Variants in COMMD1 observed in about 807,000 individuals in gnomAD.
The protein encoded by COMMD1 is COMM domain-containing protein 1.
Under a neutral mutation model 17.2 loss-of-function variants are expected in COMMD1, and 10 were observed. The observed-to-expected ratio is 0.58, with a 90% CI of 0.36 to 0.99. The LOEUF is 0.99. Ranked by LOEUF, COMMD1 falls within the 50% of genes least tolerant of loss-of-function variation. COMMD1 has a pLI of 0.01. For synonymous variants in COMMD1, 97 were observed against 91.6 expected (o/e 1.06, Z -0.34); for missense variants, 270 against 231.8 (o/e 1.17, Z -1.07).
intron 2 of COMMD1, among the ~76,000 whole-genome samples, chr2:62,037,371 C>A (rs1670068786): frequency 6.6e-6 from 1 of 152,204 alleles, no homozygotes; most frequent in Non-Finnish European, 1.5e-5. Context: ...AGCTCCTTCC[C>A]ATTCTGTCAC....
intron 2 of COMMD1, among the ~76,000 whole-genome samples, chr2:62,108,366 G>A (rs1408800109): frequency 2.0e-5 from 3 of 152,056 alleles, no homozygotes; most frequent in Non-Finnish European, 4.4e-5. Context: ...TTTATTACAT[G>A]TGCATATGGA....
intron 2 of COMMD1, among the ~76,000 whole-genome samples, chr2:62,038,935 A>T (rs1670111343): frequency 6.6e-6 from 1 of 152,204 alleles, no homozygotes; most frequent in Admixed American, 6.5e-5. Flanking sequence ...GTATACTCAT[A>T]TACACAGCAT....
At chr2:61,957,343 C>G (rs1032613443) in intron 1 of COMMD1, among the ~76,000 whole-genome samples, 1 of 152,204 alleles carries the variant, frequency 6.6e-6, no homozygotes, top group East Asian at 1.9e-4. Flanking sequence ...TGGGGTAGCA[C>G]TTCCTGTACC....
At position 62,135,855 on chromosome 2, in the gene COMMD1, T is replaced by G; in HGVS notation, c.487T>G (p.Phe163Val). 1 of 1,580,072 alleles carries G rather than the reference T, an allele frequency of 6.3e-7. No individual in the cohort carries two copies. The highest frequency in any genetic ancestry group is 2.2e-5 in the East Asian group (1 of 44,764). Residue 163 changes from phenylalanine to valine, a missense_variant, in exon 3 of 3, where the codon TTT becomes GTT. Coordinates refer to ENST00000311832, the MANE Select transcript of COMMD1 (RefSeq NM_152516.4). ...GQESEFLCLE[F>V]DEVKVNQILK... ...GGAATCTGAATTTCTGTGTTTGGAA[T>G]TTGATGAGGTCAAAGTCAACCAAAT...
chr2:61,948,888 G>T lies in COMMD1; in HGVS notation c.180+43030G>T, dbSNP rs998858241. 1.3e-4 allele frequency among the ~76,000 whole-genome samples: 20 copies of T among 152,210 alleles called. 1 individual carries two copies. The highest frequency in any genetic ancestry group is 2.9e-4 in the Non-Finnish European group (20 of 68,038). On this transcript the variant is annotated intron_variant, in intron 1 of 2. Coordinates refer to ENST00000311832, the MANE Select transcript of COMMD1 (RefSeq NM_152516.4). Reference sequence around the variant, plus strand: ...AAGGAGCAGAATGCCTAAAATTCCAGTGACTACAGGGACTTGAGGAGGTGG... The same window carrying T: ...AAGGAGCAGAATGCCTAAAATTCCATTGACTACAGGGACTTGAGGAGGTGG...
chr2:62,040,453 A>G (rs1044742074), intron 2 of COMMD1, among the ~76,000 whole-genome samples: 1 of 152,178 alleles, frequency 6.6e-6, no homozygotes, highest in African/African-American at 2.4e-5. Context: ...TTTACTTTTC[A>G]GAGTATAGTT....
intron 1 of COMMD1, among the ~76,000 whole-genome samples, chr2:61,913,612 C>G (rs187044117): frequency 2.3e-4 from 35 of 149,944 alleles, no homozygotes; most frequent in African/African-American, 8.3e-4. Flanking sequence ...AAAATTGGCT[C>G]TACTAAAAAT....
At chr2:61,934,347 CAT>C (rs1356530388) in intron 1 of COMMD1, among the ~76,000 whole-genome samples, 3 of 152,048 alleles carry the variant, frequency 2.0e-5, no homozygotes, top group Non-Finnish European at 2.9e-5. Flanking sequence ...AGGGAAAACT[CAT>C]TTAGAGCCTT....
chr2:62,025,629 T>C (rs1418961606), intron 2 of COMMD1, among the ~76,000 whole-genome samples: 1 of 152,042 alleles, frequency 6.6e-6, no homozygotes, highest in Non-Finnish European at 1.5e-5. Context: ...TGTCATTTGC[T>C]TTCTGACAGG....
intron 2 of COMMD1, among the ~76,000 whole-genome samples, chr2:62,072,594 T>C (rs1671227087): frequency 6.6e-6 from 1 of 152,232 alleles, no homozygotes; most frequent in African/African-American, 2.4e-5. Context: ...AAAAGCGCTG[T>C]AACATGTTCC....
At chr2:62,004,483 A>T (rs996007977) in intron 2 of COMMD1, among the ~76,000 whole-genome samples, 2 of 151,952 alleles carry the variant, frequency 1.3e-5, no homozygotes, top group Admixed American at 6.6e-5. Context: ...TTGTATTTTT[A>T]GTAGAGATGG....
chr2:62,112,798 A>G (rs552724194), intron 2 of COMMD1, among the ~76,000 whole-genome samples: 2 of 152,318 alleles, frequency 1.3e-5, no homozygotes, highest in African/African-American at 4.8e-5. Context: ...TCTTAAATCA[A>G]TGATTTTTTC....
At chr2:62,132,892 A>C (rs765373627) in intron 2 of COMMD1, among the ~76,000 whole-genome samples, 12 of 152,202 alleles carry the variant, frequency 7.9e-5, no homozygotes, top group Admixed American at 3.3e-4. Flanking sequence ...AATAAAACTG[A>C]ATGAAGAACA....
intron 2 of COMMD1, among the ~76,000 whole-genome samples, chr2:62,074,883 GTTTTTTTTTT>G (rs570489051): frequency 1.8e-5 from 2 of 110,536 alleles, no homozygotes; most frequent in South Asian, 2.9e-4. Flanking sequence ...TGTTTGTGTG[GTTTTTTTTTT>G]TTTTTTTTTT....
chr2:62,046,069 G>T (rs997157765), intron 2 of COMMD1, among the ~76,000 whole-genome samples: 22 of 152,156 alleles, frequency 1.4e-4, no homozygotes, highest in Admixed American at 2.6e-4. Flanking sequence ...CCCAATGTCA[G>T]CTTGGCCTAT....
intron 2 of COMMD1, among the ~76,000 whole-genome samples, chr2:62,016,363 C>T (rs896400799): frequency 4.6e-5 from 7 of 151,644 alleles, no homozygotes. Context: ...TGCAAGCTAC[C>T]ATGCCTGGTT....
intron 1 of COMMD1, among the ~76,000 whole-genome samples, chr2:61,947,057 A>G (rs940688346): frequency 1.3e-5 from 2 of 152,226 alleles, no homozygotes; most frequent in Admixed American, 1.3e-4. Context: ...TTAGCAGATT[A>G]GTAAATTTTA....
At chr2:62,023,283 T>C (rs1669663277) in intron 2 of COMMD1, among the ~76,000 whole-genome samples, 1 of 150,378 alleles carries the variant, frequency 6.6e-6, no homozygotes, top group Non-Finnish European at 1.5e-5. Context: ...TAGGTACCCC[T>C]GAGGAGTGGA....
At chr2:61,891,218 C>T (rs868187420) in intron 1 of COMMD1, among the ~76,000 whole-genome samples, 2 of 152,106 alleles carry the variant, frequency 1.3e-5, no homozygotes, top group Non-Finnish European at 2.9e-5. Flanking sequence ...AAGGACAGAG[C>T]AGAATTTGGA....
Sources: gnomAD v4.1 joint callset for allele counts (sites outside exome capture counted in the v4.1 genomes callset) on GRCh38, gnomAD v4.1.1 for gene constraint, MANE v1.5 for transcripts, NCBI Gene and HGNC (gene_info 2026-07-23, HGNC 2026-07-21) for gene names.